The following TMPRSS2 variants were observed in gnomAD, a reference collection of about 807,000 sequenced individuals.
TMPRSS2 encodes transmembrane protease serine 2.
A neutral mutation model predicts 67.4 loss-of-function variants in TMPRSS2; 59 were observed. The ratio of observed to expected loss-of-function variants is 0.88; its 90% CI spans 0.71 to 1.09. The LOEUF is 1.09. Among genes scored for constraint, TMPRSS2 ranks in the 50% least tolerant of loss-of-function variants. The pLI, the probability that TMPRSS2 is intolerant of heterozygous loss-of-function variation, is 0.00. For missense variants in TMPRSS2, 668 were observed against 642.7 expected, an observed-to-expected ratio of 1.04 and a Z score of -0.43; for synonymous variants, 257 against 257.0, an observed-to-expected ratio of 1.00 and a Z score of 0.00.
intron 13 of TMPRSS2, among the ~76,000 whole-genome samples, chr21:41,467,117 C>T (rs113562865): frequency 0.04 from 6,047 of 152,220 alleles, 374 homozygotes; most frequent in African/African-American, 0.13. Flanking sequence ...GGCCGGGCAC[C>T]GTGGTTCACA....
At chr21:41,492,562 T>C (rs1421005347) in intron 3 of TMPRSS2, among the ~76,000 whole-genome samples, 2 of 152,254 alleles carry the variant, frequency 1.3e-5, no homozygotes, top group African/African-American at 2.4e-5. Flanking sequence ...CATTTCTATA[T>C]ATTAGATGCC....
rs1423463532 is a variant in TMPRSS2, at chr21:41,473,484, T to C, written c.740A>G (p.Asn247Ser). ...VSLRCIACGVNLNSSRQSRIV... is the reference protein window; with the variant it reads ...VSLRCIACGVSLNSSRQSRIV... ...CCTGCTCTGGCGGCTTGAGTTCAAG[T>C]TGACCCCGCAGGCTGAGGATGACAA... The change falls in exon 9 of 14, where the codon AAC (asparagine) becomes AGC (serine). Residue 247 changes from asparagine to serine, a missense_variant. By Grantham distance (46) the Asn-to-Ser change is conservative. Coordinates refer to ENST00000332149, the MANE Select transcript of TMPRSS2 (RefSeq NM_005656.4). 1.2e-6 allele frequency: 2 copies of C among 1,608,286 alleles called. No individual in the cohort carries two copies. The highest frequency in any genetic ancestry group is 1.7e-6 in the Non-Finnish European group (2 of 1,177,696).
rs370421631 is a variant in TMPRSS2 at position 41,465,604 on chromosome 21, G to A, written c.*538C>T. The stretch of plus-strand genomic sequence containing the variant: ...AAGTGACTACCACGTCACCACCCAT[G>A]AAGGGCTGGTCCCTTTATTTCTGGC... On this transcript the variant is annotated 3_prime_UTR_variant, in exon 14 of 14. Coordinates refer to ENST00000332149, the MANE Select transcript of TMPRSS2 (RefSeq NM_005656.4). 3.0e-5 allele frequency: 7 copies of A among 235,604 alleles called. No individual in the cohort carries two copies. The highest frequency in any genetic ancestry group is 1.8e-4 in the East Asian group (3 of 16,642). 14.6% of individuals were successfully genotyped at this position (235,604 alleles called of 1,614,324 possible).
Position 41,494,552 on chromosome 21 carries a change from G to T in TMPRSS2, c.42C>A (p.Tyr14Ter). Residue 14 changes from tyrosine (Y) to a stop codon, truncating the protein, a stop_gained, in exon 3 of 14, where the codon TAC becomes TAA. Transcript: ENST00000332149. LOFTEE classifies it high-confidence loss of function. ...CCGGTTGGTATCCATGGTTTTCATAGTAAGGTCCAATAGCTGGTGGTGACC... is the reference window on the plus strand; with the variant it reads ...CCGGTTGGTATCCATGGTTTTCATATTAAGGTCCAATAGCTGGTGGTGACC... ...NSGSPPAIGP[Y>*]YENHGYQPEN... 6.2e-7 allele frequency: 1 copy of T among 1,613,642 alleles called. No individual in the cohort carries two copies. The highest frequency in any genetic ancestry group is 1.7e-5 in the Admixed American group (1 of 59,858).
intron 6 of TMPRSS2, 115 bp downstream of exon 6, chr21:41,480,349 GCTTTTGGAAGGT>G (rs2091247346): frequency 1.4e-6 from 2 of 1,462,640 alleles, no homozygotes; most frequent in Non-Finnish European, 1.8e-6. Context: ...ATAGGGCTCA[GCTTTTGGAAGGT>G]GACAATTGTC....
intron 1 of TMPRSS2, among the ~76,000 whole-genome samples, chr21:41,506,008 T>C (rs527380714): frequency 6.6e-6 from 1 of 152,348 alleles, no homozygotes; most frequent in Non-Finnish European, 1.5e-5. Context: ...AAGTACATTA[T>C]AAAGGGTTTG....
At chr21:41,496,532 G>C (rs192569739) in intron 2 of TMPRSS2, among the ~76,000 whole-genome samples, 1 of 152,332 alleles carries the variant, frequency 6.6e-6, no homozygotes, top group East Asian at 1.9e-4. Flanking sequence ...GAACTGCCTA[G>C]AAGTAGCATT....
intron 1 of TMPRSS2, among the ~76,000 whole-genome samples, chr21:41,503,293 C>T (rs1037918520): frequency 3.3e-5 from 5 of 152,174 alleles, no homozygotes; most frequent in African/African-American, 1.2e-4. Context: ...GGCAGGCAGG[C>T]GGCAGAGGCC....
intron 13 of TMPRSS2, among the ~76,000 whole-genome samples, chr21:41,466,496 C>G (rs61459778): frequency 0.17 from 25,245 of 152,204 alleles, 2,511 homozygotes; most frequent in African/African-American, 0.25. Context: ...TGGATCATTT[C>G]CTAGCTCCAT....
intron 12 of TMPRSS2, 25 bp downstream of exon 12, chr21:41,468,371 A>C: frequency 6.2e-7 from 1 of 1,613,814 alleles, no homozygotes; most frequent in Non-Finnish European, 8.5e-7. Flanking sequence ...TAAGGACCAA[A>C]GGTAGAATAA....
chr21:41,471,056 A>G (rs1270401825), intron 10 of TMPRSS2, among the ~76,000 whole-genome samples: 1 of 152,260 alleles, frequency 6.6e-6, no homozygotes, highest in Non-Finnish European at 1.5e-5. Flanking sequence ...GGCAACAGCC[A>G]AAAAGCCGAT....
chr21:41,496,484 T>G (rs144276163), intron 2 of TMPRSS2, among the ~76,000 whole-genome samples: 10 of 152,340 alleles, frequency 6.6e-5, no homozygotes, highest in African/African-American at 2.4e-4. Context: ...TTAAATGAAA[T>G]TTCTGGGTCA....
chr21:41,487,624 A>C (rs1472428199), intron 5 of TMPRSS2: 1 of 152,224 alleles, frequency 6.6e-6, no homozygotes, highest in African/African-American at 2.4e-5. Flanking sequence ...CACGTATCCA[A>C]ACATCATGTG....
At chr21:41,471,717 C>T (rs2091134914) in intron 10 of TMPRSS2, 89 bp downstream of exon 10, 2 of 1,443,062 alleles carry the variant, frequency 1.4e-6, no homozygotes, top group Admixed American at 2.1e-5. Flanking sequence ...AAATGCCTCC[C>T]TTCCATTTGG....
chr21:41,485,487 A>G (rs2091289621), intron 5 of TMPRSS2, among the ~76,000 whole-genome samples: 1 of 151,890 alleles, frequency 6.6e-6, no homozygotes, highest in African/African-American at 2.4e-5. Flanking sequence ...ATTTTCTACA[A>G]AAAATACAAA....
At position 41,500,427 on chromosome 21, in the gene TMPRSS2, G is replaced by A. The variant is rs527416684; in HGVS notation, c.-56-2238C>T. On this transcript the variant is annotated intron_variant, in intron 1 of 13. Coordinates refer to ENST00000332149, the MANE Select transcript of TMPRSS2 (RefSeq NM_005656.4). ...AGGCTACCAACATGAAGCCCACCACGGAGCCAAGTAGAGTGGGGCCGGCTT... is the reference window on the plus strand; with the variant it reads ...AGGCTACCAACATGAAGCCCACCACAGAGCCAAGTAGAGTGGGGCCGGCTT... Among the ~76,000 whole-genome samples the A allele has an allele frequency of 7.4e-4, 113 of 152,318 alleles. 1 individual carries two copies. The South Asian group carries it at 0.022, about 30-fold the overall frequency.
At position 41,473,375 on chromosome 21, in the gene TMPRSS2, GCCT is replaced by G. The variant is rs749273303; in HGVS notation, c.846_848del (p.Gly283del). On this transcript the variant is annotated inframe_deletion, in exon 9 of 14. Transcript: ENST00000332149. ...CGATCCACTCGGGGGTGATGATGGAGCCTCCGCACACGTGGACGTTCTGGACGT... is the reference window on the plus strand; with the variant it reads ...CGATCCACTCGGGGGTGATGATGGAGCCGCACACGTGGACGTTCTGGACGT... 6 of 1,609,864 alleles carry G rather than the reference GCCT, an allele frequency of 3.7e-6. No homozygotes were observed. The African/African-American group carries it at 8.0e-5, about 21-fold the overall frequency.
At chr21:41,496,918 G>A (rs913565195) in intron 2 of TMPRSS2, among the ~76,000 whole-genome samples, 3 of 126,532 alleles carry the variant, frequency 2.4e-5, no homozygotes, top group Admixed American at 1.0e-4. Context: ...TTGGCTCACC[G>A]CAACCTCTGC....
At chr21:41,485,116 G>GTTTT (rs1555892644) in intron 5 of TMPRSS2, among the ~76,000 whole-genome samples, 1 of 143,088 alleles carries the variant, frequency 7.0e-6, no homozygotes, top group South Asian at 2.3e-4. Context: ...GTGTGTGTGT[G>GTTTT]TCTGGGGTGT....
Sources: gnomAD v4.1 joint callset for allele counts (sites outside exome capture counted in the v4.1 genomes callset) on GRCh38, gnomAD v4.1.1 for gene constraint, MANE v1.5 for transcripts, NCBI Gene and HGNC (gene_info 2026-07-23, HGNC 2026-07-21) for gene names.